The following GPR158 variants were observed in gnomAD, a reference collection of about 807,000 sequenced individuals.
The protein encoded by GPR158 is metabotropic glycine receptor.
GPR158 carries 30 observed loss-of-function variants against 78.2 expected under a neutral mutation model. The ratio of observed to expected loss-of-function variants is 0.38; its 90% CI spans 0.29 to 0.52. GPR158 has a LOEUF of 0.52. Among genes scored for constraint, GPR158 ranks in the 20% least tolerant of loss-of-function variants. The pLI is 0.83. For missense variants in GPR158, 1,463 were observed against 1,523.5 expected, an observed-to-expected ratio of 0.96 and a Z score of 0.66; for synonymous variants, 581 against 591.1, an observed-to-expected ratio of 0.98 and a Z score of 0.25.
At chr10:25,415,678 A>C (rs1157887759) in intron 4 of GPR158, among the ~76,000 whole-genome samples, 2 of 152,282 alleles carry the variant, frequency 1.3e-5, no homozygotes, top group African/African-American at 4.8e-5. Context: ...ACATATGTCT[A>C]CAAAGAAATA....
At chr10:25,588,722 A>G (rs11014632) in intron 7 of GPR158, among the ~76,000 whole-genome samples, 91,548 of 152,044 alleles carry the variant, frequency 0.6, 29,171 homozygotes, top group African/African-American at 0.81. Context: ...AGTGGTTTTC[A>G]GAAAAAGCAA....
chr10:25,506,664 C>T (rs914073082), intron 5 of GPR158, among the ~76,000 whole-genome samples: 1 of 152,160 alleles, frequency 6.6e-6, no homozygotes, highest in Non-Finnish European at 1.5e-5. Context: ...TTGAACTAAT[C>T]ATCAGTGAGG....
intron 2 of GPR158, among the ~76,000 whole-genome samples, chr10:25,315,953 G>T (rs1854841646): frequency 6.6e-6 from 1 of 152,012 alleles, no homozygotes; most frequent in Non-Finnish European, 1.5e-5. Context: ...GTTCTTTCAT[G>T]TTTAAAACTG....
chr10:25,592,949 C>T (rs1837361192), intron 8 of GPR158, among the ~76,000 whole-genome samples: 1 of 147,182 alleles, frequency 6.8e-6, no homozygotes, highest in African/African-American at 2.5e-5. Context: ...CAGACTGCGT[C>T]AAAAGTCTGT....
intron 2 of GPR158, among the ~76,000 whole-genome samples, chr10:25,365,365 T>G (rs1451363206): frequency 6.6e-6 from 1 of 151,744 alleles, no homozygotes; most frequent in Non-Finnish European, 1.5e-5. Flanking sequence ...GCAGTCTAGT[T>G]CCTGCCTTTT....
intron 4 of GPR158, among the ~76,000 whole-genome samples, chr10:25,432,990 A>G (rs1005991187): frequency 6.6e-6 from 1 of 152,240 alleles, no homozygotes; most frequent in African/African-American, 2.4e-5. Flanking sequence ...TAGTATCATC[A>G]AACAGTATCA....
chr10:25,599,068 G>A lies in GPR158; in HGVS notation c.3442G>A (p.Glu1148Lys), dbSNP rs754433053. 4 of 1,613,780 alleles carry A rather than the reference G, an allele frequency of 2.5e-6. No homozygotes were observed. In the Admixed American group the frequency reaches 5.0e-5, roughly 20 times the overall value. Residue 1148 changes from glutamate to lysine, a missense_variant, in exon 11 of 11, where the codon GAG becomes AAG. Coordinates refer to ENST00000376351, the MANE Select transcript of GPR158 (RefSeq NM_020752.3). Reference sequence around the variant, plus strand: ...CCAGGAAAAAAAGACATCTTCTTCTGAGGAGAATGTGCGTGGCTCCTATAA... The same window carrying A: ...CCAGGAAAAAAAGACATCTTCTTCTAAGGAGAATGTGCGTGGCTCCTATAA... ...GHQEKKTSSS[E>K]ENVRGSYNSS...
At chr10:25,381,562 C>T (rs529127619) in intron 2 of GPR158, among the ~76,000 whole-genome samples, 15 of 152,000 alleles carry the variant, frequency 9.9e-5, no homozygotes, top group Non-Finnish European at 2.1e-4. Context: ...ACATGTATGG[C>T]GAGAGTGGAC....
intron 5 of GPR158, among the ~76,000 whole-genome samples, chr10:25,545,266 C>T (rs1454446654): frequency 6.6e-6 from 1 of 152,142 alleles, no homozygotes; most frequent in East Asian, 1.9e-4. Flanking sequence ...GTTCTAGATC[C>T]TTGAGGAATC....
chr10:25,235,581 A>C (rs1427415589), intron 2 of GPR158, among the ~76,000 whole-genome samples: 1 of 152,022 alleles, frequency 6.6e-6, no homozygotes, highest in African/African-American at 2.4e-5. Context: ...ATAGTAGTTA[A>C]AAGTGCTTGT....
intron 2 of GPR158, among the ~76,000 whole-genome samples, chr10:25,232,357 A>G (rs1317734350): frequency 6.6e-6 from 1 of 152,182 alleles, no homozygotes; most frequent in Non-Finnish European, 1.5e-5. Context: ...CTACAATTAT[A>G]TAAAATATGG....
chr10:25,294,859 T>C (rs1854489441), intron 2 of GPR158, among the ~76,000 whole-genome samples: 1 of 152,232 alleles, frequency 6.6e-6, no homozygotes, highest in South Asian at 2.1e-4. Flanking sequence ...TTTCATGTGA[T>C]GTCAAATTGC....
Position 25,306,971 on chromosome 10 carries a change from TGGG to T in GPR158, c.1008+85817_1008+85819del, listed in dbSNP as rs552175614. Among the ~76,000 whole-genome samples, 11 of 150,056 alleles carry T rather than the reference TGGG, an allele frequency of 7.3e-5. No individual in the cohort carries two copies. In the South Asian group the frequency reaches 2.1e-3, roughly 29 times the overall value. On this transcript the variant is annotated intron_variant, in intron 2 of 10. Transcript: ENST00000376351. ...AACAATTATTTTTTAGGGAAAGGGT[TGGG>T]GGAGAGAGTCACACACACACACACA...
chr10:25,473,716 T>G (rs1835542397), intron 5 of GPR158, among the ~76,000 whole-genome samples: 1 of 152,184 alleles, frequency 6.6e-6, no homozygotes, highest in Non-Finnish European at 1.5e-5. Context: ...TATCCATTTC[T>G]TCTAGGTTTT....
intron 2 of GPR158, among the ~76,000 whole-genome samples, chr10:25,284,756 CT>C (rs988454768): frequency 4.0e-4 from 61 of 151,648 alleles, no homozygotes; most frequent in African/African-American, 1.1e-3. Context: ...CCAATATTGT[CT>C]TTTTATTTAT....
chr10:25,587,460 C>T (rs1443305735), intron 7 of GPR158, among the ~76,000 whole-genome samples: 1 of 152,112 alleles, frequency 6.6e-6, no homozygotes, highest in African/African-American at 2.4e-5. Context: ...AGAATTAATA[C>T]ATCTGAGAAA....
chr10:25,464,732 C>T (rs1835399937), intron 4 of GPR158, among the ~76,000 whole-genome samples: 1 of 152,148 alleles, frequency 6.6e-6, no homozygotes, highest in Non-Finnish European at 1.5e-5. Context: ...CAACCAATAG[C>T]ATACAAATTA....
chr10:25,348,643 A>C (rs1355435977), intron 2 of GPR158, among the ~76,000 whole-genome samples: 2 of 151,984 alleles, frequency 1.3e-5, no homozygotes, highest in African/African-American at 2.4e-5. Flanking sequence ...AGTGAAGCCA[A>C]AAGCAGATTG....
rs566119884 is a variant in GPR158 at position 25,202,408 on chromosome 10, G to A, written c.903-18644G>A. On this transcript the variant is annotated intron_variant, in intron 1 of 10. Coordinates refer to ENST00000376351, the MANE Select transcript of GPR158 (RefSeq NM_020752.3). ...CCTAATGCTATCTCTACCCACTCCC[G>A]CCACCCCACAACAGGCCCTGGTGTG... Among the ~76,000 whole-genome samples the A allele has an allele frequency of 9.2e-5, 14 of 151,708 alleles. 1 individual carries two copies. In the East Asian group the frequency reaches 2.5e-3, roughly 27 times the overall value.
Sources: allele counts gnomAD v4.1 joint callset (sites outside exome capture counted in the v4.1 genomes callset), GRCh38; gene constraint gnomAD v4.1.1; transcripts MANE v1.5; gene names NCBI Gene and HGNC (gene_info 2026-07-23, HGNC 2026-07-21).